The following RHOJ variants were observed in gnomAD, a reference collection of about 807,000 sequenced individuals.
The protein encoded by RHOJ is rho-related GTP-binding protein RhoJ.
A neutral mutation model predicts 23.4 loss-of-function variants in RHOJ; 11 were observed. The ratio of observed to expected loss-of-function variants is 0.47; its 90% CI spans 0.30 to 0.78. The LOEUF is 0.78. Among genes scored for constraint, RHOJ ranks in the 30% least tolerant of loss-of-function variants. The pLI is 0.08. For synonymous variants in RHOJ, 102 were observed against 102.7 expected, an observed-to-expected ratio of 0.99 and a Z score of 0.04; for missense variants, 254 against 273.4, an observed-to-expected ratio of 0.93 and a Z score of 0.50.
intron 1 of RHOJ, among the ~76,000 whole-genome samples, chr14:63,223,072 A>G (rs1402201035): frequency 6.6e-6 from 1 of 152,234 alleles, no homozygotes; most frequent in Non-Finnish European, 1.5e-5. Context: ...GTTTGGGCTC[A>G]TGACCAAATC....
intron 1 of RHOJ, among the ~76,000 whole-genome samples, chr14:63,230,470 T>C (rs1040143837): frequency 3.3e-5 from 5 of 152,138 alleles, no homozygotes; most frequent in Non-Finnish European, 7.4e-5. Context: ...CTCTTCTATA[T>C]AACAGTACCA....
chr14:63,239,098 C>CTGTT (rs138564749), intron 1 of RHOJ, among the ~76,000 whole-genome samples: 1 of 151,712 alleles, frequency 6.6e-6, no homozygotes, highest in Non-Finnish European at 1.5e-5. Context: ...GGTTTTTTTT[C>CTGTT]TGTTTGTTTG....
chr14:63,222,819 C>G (rs1894523167), intron 1 of RHOJ, among the ~76,000 whole-genome samples: 1 of 152,176 alleles, frequency 6.6e-6, no homozygotes. Context: ...TGCAGAAGCT[C>G]TTTAGTTTAT....
At chr14:63,265,014 G>A (rs1425532936) in intron 1 of RHOJ, among the ~76,000 whole-genome samples, 1 of 152,178 alleles carries the variant, frequency 6.6e-6, no homozygotes, top group Non-Finnish European at 1.5e-5. Context: ...TTGCTGTGCA[G>A]AAGATCTGGA....
intron 1 of RHOJ, among the ~76,000 whole-genome samples, chr14:63,254,990 C>T (rs1180929028): frequency 2.6e-5 from 4 of 152,288 alleles, no homozygotes; most frequent in Non-Finnish European, 5.9e-5. Context: ...TTCTTGGCCC[C>T]CATCGCTCAC....
chr14:63,269,904 G>A (rs1895435801), intron 2 of RHOJ, among the ~76,000 whole-genome samples: 1 of 152,172 alleles, frequency 6.6e-6, no homozygotes, highest in South Asian at 2.1e-4. Flanking sequence ...ACATCGCTAC[G>A]AAGTTTCTCA....
intron 1 of RHOJ, among the ~76,000 whole-genome samples, chr14:63,227,042 C>A (rs1020533581): frequency 6.6e-6 from 1 of 152,120 alleles, no homozygotes. Context: ...ACCTCTGCCT[C>A]CTGGGTTCAA....
intron 4 of RHOJ, among the ~76,000 whole-genome samples, chr14:63,286,543 G>C (rs190934828): frequency 9.8e-4 from 149 of 152,308 alleles, no homozygotes; most frequent in African/African-American, 3.4e-3. Context: ...ACGGGCCAAA[G>C]TTCACCCACA....
At chr14:63,280,937 A>G (rs1881876877) in intron 2 of RHOJ, 34 bp from the exon 3 acceptor site, 1 of 1,592,002 alleles carries the variant, frequency 6.3e-7, no homozygotes, top group Non-Finnish European at 8.6e-7. Context: ...CACCTTACAC[A>G]GGCTGTACAA....
At chr14:63,247,388 C>A (rs888390800) in intron 1 of RHOJ, among the ~76,000 whole-genome samples, 1 of 152,152 alleles carries the variant, frequency 6.6e-6, no homozygotes. Flanking sequence ...AGGCTACCCT[C>A]TTTTCATCAT....
At chr14:63,282,601 TGCAGA>T (rs1371035207) in intron 3 of RHOJ, among the ~76,000 whole-genome samples, 1 of 151,810 alleles carries the variant, frequency 6.6e-6, no homozygotes, top group African/African-American at 2.4e-5. Flanking sequence ...TTCCAGAGCT[TGCAGA>T]ACATTTGTTA....
At chr14:63,222,701 G>A (rs889900087) in intron 1 of RHOJ, among the ~76,000 whole-genome samples, 42 of 152,218 alleles carry the variant, frequency 2.8e-4, no homozygotes, top group African/African-American at 8.9e-4. Context: ...ATTTGTTTGA[G>A]TTCTTTGTAG....
At chr14:63,219,036 C>T (rs1000247266) in intron 1 of RHOJ, among the ~76,000 whole-genome samples, 9 of 152,160 alleles carry the variant, frequency 5.9e-5, no homozygotes, top group African/African-American at 2.2e-4. Context: ...GTAAACTTAC[C>T]ATAGTTTTCC....
At chr14:63,239,181 G>A (rs146484152) in intron 1 of RHOJ, among the ~76,000 whole-genome samples, 5,803 of 152,052 alleles carry the variant, frequency 0.038, 215 homozygotes, top group African/African-American at 0.093. Flanking sequence ...GCACAATCTC[G>A]ACTCACCGCA....
intron 4 of RHOJ, among the ~76,000 whole-genome samples, chr14:63,285,901 A>G (rs1882068008): frequency 6.6e-6 from 1 of 152,126 alleles, no homozygotes; most frequent in South Asian, 2.1e-4. Flanking sequence ...CAGACTTCCT[A>G]AGGTATTTTT....
intron 2 of RHOJ, among the ~76,000 whole-genome samples, chr14:63,276,563 C>A (rs1271309784): frequency 6.6e-6 from 1 of 152,100 alleles, no homozygotes; most frequent in Non-Finnish European, 1.5e-5. Flanking sequence ...ATTCAGTAGG[C>A]ACGAAATCTT....
Position 63,204,864 on chromosome 14 carries a change from G to A in RHOJ, c.-6G>A, listed in dbSNP as rs766379460. The A allele has an allele frequency of 1.2e-5, 19 of 1,609,610 alleles. No individual in the cohort carries two copies. Among genetic ancestry groups the A allele is most frequent in the African/African-American group, 2.7e-5 (2 of 74,858 alleles). On this transcript the variant is annotated 5_prime_UTR_variant, in exon 1 of 5. Transcript: ENST00000316754. ...GCAGGAGTCCCCAGCAGCTGGAGCCGCAAGAATGAACTGCAAAGAGGGAAC... is the reference window on the plus strand; with the variant it reads ...GCAGGAGTCCCCAGCAGCTGGAGCCACAAGAATGAACTGCAAAGAGGGAAC...
At chr14:63,266,501 G>A (rs1211207096) in intron 1 of RHOJ, among the ~76,000 whole-genome samples, 2 of 152,160 alleles carry the variant, frequency 1.3e-5, no homozygotes, top group Non-Finnish European at 1.5e-5. Context: ...GAAGGCTGTT[G>A]AATCTGTATT....
intron 1 of RHOJ, among the ~76,000 whole-genome samples, chr14:63,216,743 CAA>C (rs1365718024): frequency 2.6e-5 from 4 of 152,150 alleles, no homozygotes; most frequent in African/African-American, 9.7e-5. Flanking sequence ...TCAAAAGAGA[CAA>C]AGAGTTGATG....
Sources: allele counts gnomAD v4.1 joint callset (sites outside exome capture counted in the v4.1 genomes callset), GRCh38; gene constraint gnomAD v4.1.1; transcripts MANE v1.5; gene names NCBI Gene and HGNC (gene_info 2026-07-23, HGNC 2026-07-21).